APP: variants seen among roughly 807,000 people sequenced by gnomAD.
APP encodes the protein amyloid beta precursor protein, also known as amyloid-beta precursor protein.
In APP, 31 loss-of-function variants were observed where a neutral mutation model predicts 101.4. The ratio of observed to expected loss-of-function variants is 0.31; its 90% CI spans 0.23 to 0.41. The LOEUF is 0.41. APP is among the 10% of genes least tolerant of loss of function. The pLI is 1.00. For missense variants in APP, 839 were observed against 1,003.7 expected (o/e 0.84, Z 2.22); for synonymous variants, 366 against 364.4 (o/e 1.00, Z -0.05).
chr21:26,160,709 C>T (rs1290181685), intron 1 of APP, among the ~76,000 whole-genome samples: 1 of 152,058 alleles, frequency 6.6e-6, no homozygotes, highest in Non-Finnish European at 1.5e-5. Context: ...ATTTTCATGC[C>T]ACTAAATTTA....
At chr21:25,932,432 C>T (rs557128305) in intron 13 of APP, among the ~76,000 whole-genome samples, 41 of 152,230 alleles carry the variant, frequency 2.7e-4, no homozygotes, top group African/African-American at 9.9e-4. Context: ...ATTTCCCACC[C>T]GGCCACTCAC....
chr21:26,161,528 T>A (rs1310579530), intron 1 of APP, among the ~76,000 whole-genome samples: 2 of 152,214 alleles, frequency 1.3e-5, no homozygotes, highest in Non-Finnish European at 2.9e-5. Flanking sequence ...CTTTCTTGGT[T>A]GTACCCCTAA....
upstream of APP, chr21:26,170,861 G>A (rs1346887847): frequency 7.1e-6 from 3 of 421,430 alleles, no homozygotes; most frequent in East Asian, 3.9e-5. Flanking sequence ...CCCTAGCGGC[G>A]CCGCCGGGGA....
chr21:25,979,661 GT>G (rs979337988), intron 9 of APP, among the ~76,000 whole-genome samples: 1 of 152,108 alleles, frequency 6.6e-6, no homozygotes, highest in Non-Finnish European at 1.5e-5. Flanking sequence ...TAAGTCACAA[GT>G]TACACAGATG....
At chr21:25,957,467 C>T (rs2041372941) in intron 11 of APP, among the ~76,000 whole-genome samples, 1 of 152,294 alleles carries the variant, frequency 6.6e-6, no homozygotes, top group Non-Finnish European at 1.5e-5. Flanking sequence ...CACAACCACC[C>T]TCGATGCTTG....
intron 13 of APP, among the ~76,000 whole-genome samples, chr21:25,940,786 A>T (rs1325515735): frequency 6.6e-6 from 1 of 152,176 alleles, no homozygotes; most frequent in Non-Finnish European, 1.5e-5. Flanking sequence ...TTAGTCTCTA[A>T]ATCAGTAATT....
intron 16 of APP, among the ~76,000 whole-genome samples, chr21:25,897,357 A>G (rs1367301639): frequency 6.6e-6 from 1 of 152,050 alleles, no homozygotes; most frequent in Non-Finnish European, 1.5e-5. Flanking sequence ...CTCGTGATCC[A>G]CCCGCCTTGG....
chr21:26,108,487 C>CA (rs2062234865), intron 2 of APP, among the ~76,000 whole-genome samples: 1 of 152,186 alleles, frequency 6.6e-6, no homozygotes, highest in Non-Finnish European at 1.5e-5. Context: ...GAGGCTGCAG[C>CA]ATGGCAGTCT....
chr21:26,119,709 T>C (rs1466098072), intron 1 of APP, among the ~76,000 whole-genome samples: 1 of 151,950 alleles, frequency 6.6e-6, no homozygotes, highest in African/African-American at 2.4e-5. Context: ...CACACACATA[T>C]ACACACAGTT....
intron 1 of APP, among the ~76,000 whole-genome samples, chr21:26,143,007 C>T (rs1286921252): frequency 1.3e-5 from 2 of 152,194 alleles, no homozygotes; most frequent in East Asian, 3.9e-4. Flanking sequence ...TTCAGTATTA[C>T]TTTACTTTCC....
rs2040678045 is a variant in APP at position 25,943,649 on chromosome 21, A to G, written c.1687+10941T>C. On this transcript the variant is annotated intron_variant, in intron 13 of 17. Coordinates refer to ENST00000346798, the MANE Select transcript of APP (RefSeq NM_000484.4). Reference sequence around the variant, plus strand: ...TTTTTAGTAGAGACAGGGTTTTGCCATGTTGGCCAGGCTGGTCTCGAACTC... The same window carrying G: ...TTTTTAGTAGAGACAGGGTTTTGCCGTGTTGGCCAGGCTGGTCTCGAACTC... Among the ~76,000 whole-genome samples, 3 of 151,456 alleles carry G rather than the reference A, an allele frequency of 2.0e-5. No individual in the cohort carries two copies. The South Asian group carries it at 6.2e-4, about 32-fold the overall frequency.
intron 1 of APP, among the ~76,000 whole-genome samples, chr21:26,148,557 G>C (rs2063200798): frequency 6.6e-6 from 1 of 152,152 alleles, no homozygotes; most frequent in South Asian, 2.1e-4. Flanking sequence ...CTGTTTTCAG[G>C]CATCAAAAAT....
At chr21:26,027,828 A>G (rs559852361) in intron 5 of APP, among the ~76,000 whole-genome samples, 1 of 152,310 alleles carries the variant, frequency 6.6e-6, no homozygotes, top group South Asian at 2.1e-4. Context: ...AGCTAAAGGC[A>G]TAAGCCCACC....
chr21:25,974,345 C>T (rs2042147346), intron 11 of APP, among the ~76,000 whole-genome samples: 1 of 152,026 alleles, frequency 6.6e-6, no homozygotes, highest in Admixed American at 6.5e-5. Flanking sequence ...TGTGTCTCTC[C>T]CACCCCCAAT....
chr21:26,086,051 C>G (rs1041623809), intron 3 of APP, among the ~76,000 whole-genome samples: 1 of 152,124 alleles, frequency 6.6e-6, no homozygotes, highest in Non-Finnish European at 1.5e-5. Context: ...CTTTGCTGGT[C>G]AGAGACAAGT....
At chr21:26,015,061 A>G (rs938268017) in intron 6 of APP, among the ~76,000 whole-genome samples, 1 of 152,238 alleles carries the variant, frequency 6.6e-6, no homozygotes, top group Non-Finnish European at 1.5e-5. Flanking sequence ...TCACACAAAA[A>G]AAATTTAAGC....
At chr21:25,937,366 G>C (rs1272885971) in intron 13 of APP, among the ~76,000 whole-genome samples, 1 of 152,166 alleles carries the variant, frequency 6.6e-6, no homozygotes, top group East Asian at 1.9e-4. Flanking sequence ...CCTGGAGTTG[G>C]TATTCAGCAC....
chr21:26,115,686 T>C (rs374013766), intron 1 of APP, among the ~76,000 whole-genome samples: 52 of 152,332 alleles, frequency 3.4e-4, no homozygotes, highest in African/African-American at 1.2e-3. Context: ...ATTCAGGATC[T>C]GTTAATATGG....
intron 2 of APP, among the ~76,000 whole-genome samples, chr21:26,109,001 T>G (rs3827166): frequency 0.095 from 14,524 of 152,306 alleles, 888 homozygotes; most frequent in Admixed American, 0.15. Flanking sequence ...GTATGATGTT[T>G]TGGCCCTTTC....
Sources: allele counts gnomAD v4.1 joint callset (sites outside exome capture counted in the v4.1 genomes callset), GRCh38; gene constraint gnomAD v4.1.1; transcripts MANE v1.5; gene names NCBI Gene and HGNC (gene_info 2026-07-23, HGNC 2026-07-21).